PIP5K1C: variants seen among roughly 807,000 people sequenced by gnomAD.
The protein encoded by PIP5K1C is phosphatidylinositol-4-phosphate 5-kinase type 1 gamma.
In PIP5K1C, 45 loss-of-function variants were observed where a neutral mutation model predicts 80.1. The ratio of observed to expected loss-of-function variants is 0.56; its 90% CI spans 0.44 to 0.72. PIP5K1C has a LOEUF of 0.72. Ranked by LOEUF, PIP5K1C falls within the 30% of genes least tolerant of loss-of-function variation. PIP5K1C has a pLI of 0.00. For synonymous variants in PIP5K1C, 498 were observed against 420.1 expected, an observed-to-expected ratio of 1.19 and a Z score of -2.27; for missense variants, 753 against 954.6, an observed-to-expected ratio of 0.79 and a Z score of 2.78.
intron 6 of PIP5K1C, among the ~76,000 whole-genome samples, chr19:3,655,097 GA>G (rs1433633559): frequency 8.5e-4 from 81 of 94,900 alleles, no homozygotes; most frequent in African/African-American, 3.3e-3. Context: ...GACAGAGCGA[GA>G]CTCCATCTCA....
rs2034070058 is a variant in PIP5K1C, at chr19:3,643,482, A to C, written c.1511-101T>G. 2.9e-5 allele frequency: 42 copies of C among 1,424,124 alleles called. No homozygotes were observed. The South Asian group carries it at 5.0e-4, about 17-fold the overall frequency. The allele number at this position is 1,424,124 out of a possible 1,614,324, so 88.2% of individuals were successfully genotyped here. Reference sequence around the variant, plus strand: ...GGCTCACCCTGGGAACCCACAGCCCAGTGCCCGCCCGCCTCCCAGACACTC... The same window carrying C: ...GGCTCACCCTGGGAACCCACAGCCCCGTGCCCGCCCGCCTCCCAGACACTC... On this transcript the variant is annotated intron_variant, in intron 12 of 17. Coordinates refer to ENST00000335312, the MANE Select transcript of PIP5K1C (RefSeq NM_012398.3).
intron 1 of PIP5K1C, among the ~76,000 whole-genome samples, chr19:3,693,481 G>A (rs1021932079): frequency 1.3e-5 from 2 of 152,166 alleles, no homozygotes; most frequent in Admixed American, 6.5e-5. Flanking sequence ...GCACCACCAC[G>A]GGCCCCGTCC....
At chr19:3,667,203 G>A (rs771665644) in intron 2 of PIP5K1C, 119 bp downstream of exon 2, 16 of 822,922 alleles carry the variant, frequency 1.9e-5, no homozygotes, top group Middle Eastern at 2.2e-4. Context: ...GACACTGGAC[G>A]GCATTTGGGG....
chr19:3,665,482 T>C (rs1252132961), intron 2 of PIP5K1C, among the ~76,000 whole-genome samples: 1 of 149,472 alleles, frequency 6.7e-6, no homozygotes, highest in South Asian at 2.1e-4. Context: ...GAGGTGGGGG[T>C]GGGAACAGAG....
At chr19:3,670,941 C>T (rs1214162991) in intron 1 of PIP5K1C, among the ~76,000 whole-genome samples, 2 of 152,250 alleles carry the variant, frequency 1.3e-5, no homozygotes, top group African/African-American at 2.4e-5. Context: ...CTCTGACAGG[C>T]CACAAAGGGC....
Position 3,632,126 on chromosome 19 carries a change from C to T in PIP5K1C, c.*1041G>A, listed in dbSNP as rs1437274769. On this transcript the variant is annotated 3_prime_UTR_variant, in exon 18 of 18. Transcript: ENST00000335312. Reference sequence around the variant, plus strand: ...AGTCGGAAACAAAGTCTTCTCTCCCCTCCTCGGAGACATCACATCACTTAA... The same window carrying T: ...AGTCGGAAACAAAGTCTTCTCTCCCTTCCTCGGAGACATCACATCACTTAA... 1 of 152,320 alleles carries T rather than the reference C, an allele frequency of 6.6e-6. No homozygotes were observed. The highest frequency in any genetic ancestry group is 1.5e-5 in the Non-Finnish European group (1 of 68,090). 9.4% of individuals were successfully genotyped at this position (152,320 alleles called of 1,614,324 possible).
Position 3,692,653 on chromosome 19 carries a change from C to T in PIP5K1C, c.94+7644G>A, listed in dbSNP as rs764544323. The stretch of plus-strand genomic sequence containing the variant: ...CCTGGTTCCCCTAGCCCACGTCCCG[C>T]CCTCACCCCATCTGTCCTCCCCACA... On this transcript the variant is annotated intron_variant, in intron 1 of 17. Transcript: ENST00000335312. This position sits in a 1 kb window ranked among gnomAD's most constrained non-coding sequence, Gnocchi z 5.2. 1.8e-4 allele frequency among the ~76,000 whole-genome samples: 27 copies of T among 152,048 alleles called. No homozygotes were observed. The highest frequency in any genetic ancestry group is 3.8e-4 in the Non-Finnish European group (26 of 67,992).
At chr19:3,640,471 G>A (rs2033914498) in intron 15 of PIP5K1C, among the ~76,000 whole-genome samples, 1 of 152,084 alleles carries the variant, frequency 6.6e-6, no homozygotes, top group Admixed American at 6.5e-5. Context: ...AGCCGAAATC[G>A]TGCCACTGCA....
chr19:3,632,597 CGATGT>C lies in PIP5K1C; in HGVS notation c.*565_*569del. On this transcript the variant is annotated 3_prime_UTR_variant, in exon 18 of 18. Transcript: ENST00000335312. ...GCAGGGCGAGGGCTGTCCCCACAGT[CGATGT>C]TCAGGCCAGATGTCCTGCACTGAGG... 6.6e-6 allele frequency: 1 copy of C among 152,564 alleles called. No individual in the cohort carries two copies. The highest frequency in any genetic ancestry group is 1.5e-5 in the Non-Finnish European group (1 of 68,286). The allele number at this position is 152,564 out of a possible 1,614,324, so 9.5% of individuals were successfully genotyped here.
chr19:3,670,221 G>A (rs2035161758), intron 1 of PIP5K1C, among the ~76,000 whole-genome samples: 1 of 152,190 alleles, frequency 6.6e-6, no homozygotes, highest in African/African-American at 2.4e-5. Flanking sequence ...GAGGGTGCGG[G>A]GTTGGACGGT....
intron 1 of PIP5K1C, among the ~76,000 whole-genome samples, chr19:3,683,104 G>A (rs559675569): frequency 6.6e-6 from 1 of 152,030 alleles, no homozygotes; most frequent in African/African-American, 2.4e-5. Context: ...CACCTCCTCA[G>A]AGAGTCCCCT....
intron 1 of PIP5K1C, among the ~76,000 whole-genome samples, chr19:3,697,057 G>GGGAGGACCGAGCTGGACCAA (rs1256530813): frequency 6.1e-5 from 9 of 148,012 alleles, no homozygotes; most frequent in African/African-American, 2.0e-4. Context: ...AGCTGGACCG[G>GGGAGGACCGAGCTGGACCAA]GGAGGACCGA....
chr19:3,668,337 G>C (rs1425615407), intron 1 of PIP5K1C: 1 of 152,250 alleles, frequency 6.6e-6, no homozygotes, highest in African/African-American at 2.4e-5. Flanking sequence ...GAGACCGACG[G>C]GAGATGATCC....
rs2035017717 is a variant in PIP5K1C at position 3,666,589 on chromosome 19, A to G, written c.126+733T>C. Among the ~76,000 whole-genome samples, 3 of 151,964 alleles carry G rather than the reference A, an allele frequency of 2.0e-5. No individual in the cohort carries two copies. In the South Asian group the frequency reaches 6.2e-4, roughly 32 times the overall value. ...CACATGCACTCAGGCAAACATGAAC[A>G]CAGGCAAACACGTGCACACACGCAC... On this transcript the variant is annotated intron_variant, in intron 2 of 17. Transcript: ENST00000335312.
chr19:3,683,714 G>A (rs1036449644), intron 1 of PIP5K1C, among the ~76,000 whole-genome samples: 5 of 152,310 alleles, frequency 3.3e-5, no homozygotes, highest in African/African-American at 1.2e-4. Flanking sequence ...AGAGTGAGGA[G>A]GAGCCAGGCG....
chr19:3,642,971 GAA>G (rs2034034603), intron 13 of PIP5K1C, 32 bp from the exon 14 acceptor site: 2 of 1,612,358 alleles, frequency 1.2e-6, no homozygotes. Context: ...GTGACACCCA[GAA>G]AGAGAGTGGC....
intron 11 of PIP5K1C, among the ~76,000 whole-genome samples, chr19:3,645,170 C>T (rs2145413565): frequency 6.6e-6 from 1 of 152,338 alleles, no homozygotes; most frequent in African/African-American, 2.4e-5. Context: ...CCTGTCCCTG[C>T]CACCTCCCTG....
intron 13 of PIP5K1C, 97 bp downstream of exon 13, chr19:3,643,146 C>T: frequency 6.3e-7 from 1 of 1,580,782 alleles, no homozygotes; most frequent in Non-Finnish European, 8.6e-7. Flanking sequence ...ATGCTCCACC[C>T]ACATGCACAG....
chr19:3,648,060 C>A lies in PIP5K1C; in HGVS notation c.1211+565G>T, dbSNP rs2034304164. On this transcript the variant is annotated intron_variant, in intron 9 of 17. Coordinates refer to ENST00000335312, the MANE Select transcript of PIP5K1C (RefSeq NM_012398.3). This position sits in a 1 kb window ranked among gnomAD's most constrained non-coding sequence, Gnocchi z 4.3. ...TTTTTGGGACAGGGTCTTGCTCTGT[C>A]ACCCAGCCTGGGGTGCAGTACGGCC... Among the ~76,000 whole-genome samples, 2 of 152,114 alleles carry A rather than the reference C, an allele frequency of 1.3e-5. No homozygotes were observed. The highest frequency in any genetic ancestry group is 2.1e-4 in the South Asian group (1 of 4,830).
Sources: gnomAD v4.1 joint callset for allele counts (sites outside exome capture counted in the v4.1 genomes callset) on GRCh38, gnomAD v4.1.1 for gene constraint, Gnocchi (gnomAD v3.1) non-coding constraint, MANE v1.5 for transcripts, NCBI Gene and HGNC (gene_info 2026-07-23, HGNC 2026-07-21) for gene names.